Variants in RBFOX1 observed in about 807,000 individuals in gnomAD.
RBFOX1 encodes the protein RNA binding fox-1 homolog 1, also known as RNA binding protein fox-1 homolog 1.
A neutral mutation model predicts 57.7 loss-of-function variants in RBFOX1; 8 were observed. That is an observed-to-expected ratio of 0.14 (90% CI 0.08 to 0.25). The LOEUF (loss-of-function observed/expected upper bound fraction) is 0.25. RBFOX1 is among the 10% of genes least tolerant of loss of function. The pLI, the probability that RBFOX1 is intolerant of heterozygous loss-of-function variation, is 1.00. For missense variants in RBFOX1, 611 were observed against 548.5 expected (o/e 1.11, Z -1.14); for synonymous variants, 326 against 222.4 (o/e 1.47, Z -4.15).
At chr16:7,042,134 T>A (rs77328047) in intron 3 of RBFOX1, among the ~76,000 whole-genome samples, 14,357 of 152,176 alleles carry the variant, frequency 0.094, 1,116 homozygotes, top group East Asian at 0.32. Flanking sequence ...TAAGCCAAGT[T>A]TGGAAATTTA....
Position 6,825,160 on chromosome 16 carries a change from C to T in RBFOX1, c.-16+170510C>T, listed in dbSNP as rs910308174. Among the ~76,000 whole-genome samples the T allele has an allele frequency of 4.0e-5, 6 of 150,908 alleles. No individual in the cohort carries two copies. The South Asian group carries it at 6.4e-4, about 16-fold the overall frequency. ...TAACAACCTCACTCAGCACCCTTGG[C>T]GTTGCTGGTCAGATGATCCTTTCTT... On this transcript the variant is annotated intron_variant, in intron 3 of 15. Coordinates refer to ENST00000550418, the MANE Select transcript of RBFOX1 (RefSeq NM_018723.4).
intron 2 of RBFOX1, among the ~76,000 whole-genome samples, chr16:6,374,960 A>T (rs2090973509): frequency 6.6e-6 from 1 of 152,220 alleles, no homozygotes; most frequent in African/African-American, 2.4e-5. Flanking sequence ...CATTCGCCTG[A>T]GGAAGTGTGA....
chr16:5,276,413 CAT>C (rs1193224740), intron 1 of RBFOX1, among the ~76,000 whole-genome samples: 4 of 152,134 alleles, frequency 2.6e-5, no homozygotes, highest in African/African-American at 9.7e-5. Context: ...GGCCAACAAA[CAT>C]ATGAAAAAAT....
At chr16:5,789,484 T>G (rs2054616846) in intron 3 of RBFOX1, among the ~76,000 whole-genome samples, 2 of 152,168 alleles carry the variant, frequency 1.3e-5, no homozygotes, top group South Asian at 4.1e-4. Context: ...TGTATGTATT[T>G]GGAGTCAAGT....
At chr16:7,024,145 T>G (rs186909595) in intron 3 of RBFOX1, among the ~76,000 whole-genome samples, 4 of 152,312 alleles carry the variant, frequency 2.6e-5, no homozygotes, top group African/African-American at 7.2e-5. Flanking sequence ...GTTATCATAT[T>G]AAAGATTGTA....
chr16:7,377,441 A>G (rs1420338007), intron 4 of RBFOX1, among the ~76,000 whole-genome samples: 1 of 152,228 alleles, frequency 6.6e-6, no homozygotes, highest in African/African-American at 2.4e-5. Context: ...GAATCATTTC[A>G]TCATTAAGAT....
At chr16:5,276,430 A>C (rs1045835386) in intron 1 of RBFOX1, among the ~76,000 whole-genome samples, 11 of 152,254 alleles carry the variant, frequency 7.2e-5, no homozygotes, top group Non-Finnish European at 1.5e-4. Flanking sequence ...AAAAATGCTC[A>C]ACATCACTAA....
chr16:5,544,283 G>A (rs2045092392), intron 2 of RBFOX1, among the ~76,000 whole-genome samples: 1 of 152,174 alleles, frequency 6.6e-6, no homozygotes. Flanking sequence ...GGAACTCTGG[G>A]AAATTCTCAG....
intron 3 of RBFOX1, among the ~76,000 whole-genome samples, chr16:6,899,171 T>C (rs1596543491): frequency 6.9e-6 from 1 of 144,394 alleles, no homozygotes; most frequent in Non-Finnish European, 1.5e-5. Context: ...CATGTGTATG[T>C]GTGTGTATAA....
chr16:7,212,321 T>G lies in RBFOX1; in HGVS notation c.27+160223T>G, dbSNP rs946606520. Among the ~76,000 whole-genome samples, 12 of 152,140 alleles carry G rather than the reference T, an allele frequency of 7.9e-5. 1 individual carries two copies. The highest frequency in any genetic ancestry group is 1.8e-4 in the Non-Finnish European group (12 of 68,024). ...CTCTGCTGTTCCAATATTGGGATGG[T>G]TCCCTACCCTCAGGAAAGTATTCGC... On this transcript the variant is annotated intron_variant, in intron 4 of 15. Transcript: ENST00000550418.
At chr16:7,292,424 A>AC (rs2095807674) in intron 4 of RBFOX1, among the ~76,000 whole-genome samples, 1 of 142,416 alleles carries the variant, frequency 7.0e-6, no homozygotes, top group African/African-American at 2.6e-5. Context: ...TATATATATA[A>AC]GGTATTATAT....
chr16:6,536,927 C>T (rs774030673), intron 2 of RBFOX1, among the ~76,000 whole-genome samples: 2 of 152,106 alleles, frequency 1.3e-5, no homozygotes, highest in Non-Finnish European at 2.9e-5. Flanking sequence ...TATGTGTATA[C>T]AAAGTAATTT....
chr16:5,665,057 C>A (rs751736267), intron 3 of RBFOX1, among the ~76,000 whole-genome samples: 1 of 150,434 alleles, frequency 6.6e-6, no homozygotes, highest in African/African-American at 2.5e-5. Context: ...ATGATTTTCT[C>A]GTCCCAGGCT....
intron 3 of RBFOX1, among the ~76,000 whole-genome samples, chr16:6,898,001 C>T (rs1028494286): frequency 3.9e-5 from 6 of 152,158 alleles, no homozygotes; most frequent in African/African-American, 1.4e-4. Flanking sequence ...AAACTACAGG[C>T]TCCACATGGA....
At chr16:7,612,341 A>G (rs912248593) in intron 10 of RBFOX1, among the ~76,000 whole-genome samples, 31 of 118,682 alleles carry the variant, frequency 2.6e-4, no homozygotes, top group Non-Finnish European at 4.1e-4. Context: ...AAAAAAAAAA[A>G]AAAAAAAAGA....
intron 4 of RBFOX1, among the ~76,000 whole-genome samples, chr16:5,928,523 A>G (rs1044958107): frequency 6.6e-6 from 1 of 152,104 alleles, no homozygotes; most frequent in Non-Finnish European, 1.5e-5. Flanking sequence ...AACATATACA[A>G]TTATTATTTG....
At chr16:5,595,413 T>G (rs1334894565) in intron 2 of RBFOX1, among the ~76,000 whole-genome samples, 1 of 152,150 alleles carries the variant, frequency 6.6e-6, no homozygotes, top group African/African-American at 2.4e-5. Flanking sequence ...GGGCATACAT[T>G]TCCAGGGGAG....
intron 1 of RBFOX1, among the ~76,000 whole-genome samples, chr16:5,415,142 T>C (rs2067128816): frequency 6.6e-6 from 1 of 152,228 alleles, no homozygotes; most frequent in Non-Finnish European, 1.5e-5. Context: ...CTAAAGATAC[T>C]ACCTGAGAAT....
chr16:7,290,923 G>C (rs916212999), intron 4 of RBFOX1, among the ~76,000 whole-genome samples: 2 of 152,222 alleles, frequency 1.3e-5, no homozygotes, highest in African/African-American at 2.4e-5. Flanking sequence ...GAAACACACA[G>C]AGGTGCTATC....
Sources: allele counts gnomAD v4.1 joint callset (sites outside exome capture counted in the v4.1 genomes callset), GRCh38; gene constraint gnomAD v4.1.1; transcripts MANE v1.5; gene names NCBI Gene and HGNC (gene_info 2026-07-23, HGNC 2026-07-21).